The following PPP6C variants were observed in gnomAD, a reference collection of about 807,000 sequenced individuals.
PPP6C encodes protein phosphatase 6 catalytic subunit.
PPP6C carries 11 observed loss-of-function variants against 39.8 expected under a neutral mutation model. That is an observed-to-expected ratio of 0.28 (90% confidence interval 0.17 to 0.46). The LOEUF is 0.46. PPP6C is among the 20% of genes least tolerant of loss of function. The pLI, the probability that PPP6C is intolerant of heterozygous loss-of-function variation, is 1.00. For synonymous variants in PPP6C, 129 were observed against 130.3 expected (o/e 0.99, Z 0.07); for missense variants, 211 against 373.9 (o/e 0.56, Z 3.59).
Position 125,189,669 on chromosome 9 carries a change from T to C in PPP6C, c.50A>G (p.Lys17Arg). Reference protein sequence around the residue: ...DKYVEIARLCKYLPENDLKRL... With the variant: ...DKYVEIARLCRYLPENDLKRL... ...CTTCAGGTCGTTCTCTGGCAGGTAC[T>C]TGCACAGCCGCGCTATTTCCACATA... is the stretch of plus-strand genomic sequence containing the variant. Residue 17 changes from lysine (K) to arginine (R), a missense_variant, in exon 1 of 7, where the codon AAG becomes AGG. By Grantham distance (26) the Lys-to-Arg change is conservative. Transcript: ENST00000373547. 1.9e-6 allele frequency: 3 copies of C among 1,612,714 alleles called. No homozygotes were observed. Among genetic ancestry groups the C allele is most frequent in the Non-Finnish European group, 1.7e-6 (2 of 1,179,500 alleles).
rs1166282349 is a variant in PPP6C, at chr9:125,171,118, T to C, written c.138A>G (p.Thr46=). The C allele has an allele frequency of 1.2e-6, 2 of 1,602,994 alleles. No individual in the cohort carries two copies. The highest frequency in any genetic ancestry group is 2.7e-5 in the African/African-American group (2 of 74,520). The change falls in exon 2 of 7, where the codon ACA becomes ACG. Residue 46 remains threonine, a synonymous_variant. Coordinates refer to ENST00000373547, the MANE Select transcript of PPP6C (RefSeq NM_002721.5). ...GGATATCTCCACACACTGTTACTGG[T>C]GTTGATACTGGCTGAACATTTGACT... is the stretch of plus-strand genomic sequence containing the variant. ...LEESNVQPVS[T]PVTVCGDIHG...
chr9:125,171,001 G>A, intron 2 of PPP6C, 84 bp downstream of exon 2: 3 of 856,502 alleles, frequency 3.5e-6, no homozygotes, highest in Non-Finnish European at 5.1e-6. Context: ...TGATGTTGTT[G>A]TTGTTTTAAT....
intron 1 of PPP6C, among the ~76,000 whole-genome samples, chr9:125,182,840 G>A (rs1829446829): frequency 6.6e-6 from 1 of 150,974 alleles, no homozygotes; most frequent in African/African-American, 2.4e-5. Context: ...ATTCTTTGGG[G>A]GGCAAAATTG....
intron 1 of PPP6C, among the ~76,000 whole-genome samples, chr9:125,176,472 A>G (rs1829299997): frequency 6.6e-6 from 1 of 152,110 alleles, no homozygotes; most frequent in Non-Finnish European, 1.5e-5. Flanking sequence ...CCTGGGCAAC[A>G]ATGGCAAAAC....
chr9:125,159,722 T>C (rs1264883225), intron 3 of PPP6C, among the ~76,000 whole-genome samples: 10 of 152,070 alleles, frequency 6.6e-5, no homozygotes, highest in South Asian at 2.1e-4. Flanking sequence ...GCTGAAAGAA[T>C]AGGAAAGTGG....
Position 125,151,954 on chromosome 9 carries a change from G to C in PPP6C, c.669+1579C>G, listed in dbSNP as rs184413639. The stretch of plus-strand genomic sequence containing the variant: ...AATGCTTCAGGGTTTTCTTTGTTGA[G>C]AACAACCAGCAGCAAAGCCAACCCA... On this transcript the variant is annotated intron_variant, in intron 6 of 6. Transcript: ENST00000373547. Among the ~76,000 whole-genome samples the C allele has an allele frequency of 3.8e-4, 58 of 152,278 alleles. No individual in the cohort carries two copies. The East Asian group carries it at 0.011, about 29-fold the overall frequency.
At chr9:125,163,087 A>T (rs951744679) in intron 2 of PPP6C, among the ~76,000 whole-genome samples, 7 of 152,204 alleles carry the variant, frequency 4.6e-5, no homozygotes, top group African/African-American at 1.7e-4. Flanking sequence ...TCAAAAAAAA[A>T]AAAGTGTTAT....
At chr9:125,154,016 T>A (rs371195577) in intron 4 of PPP6C, 31 bp from the exon 5 acceptor site, 32 of 1,459,738 alleles carry the variant, frequency 2.2e-5, no homozygotes, top group Non-Finnish European at 3.1e-5. Flanking sequence ...TTTTAATTAA[T>A]GAATCTGCTA....
chr9:125,177,318 G>T (rs773096366), intron 1 of PPP6C, among the ~76,000 whole-genome samples: 2 of 152,098 alleles, frequency 1.3e-5, no homozygotes, highest in Non-Finnish European at 2.9e-5. Context: ...AACTTGCAGT[G>T]AGCAGAGATG....
chr9:125,161,353 T>A (rs1828872637), intron 2 of PPP6C, among the ~76,000 whole-genome samples: 1 of 152,172 alleles, frequency 6.6e-6, no homozygotes, highest in Non-Finnish European at 1.5e-5. Flanking sequence ...TCTTCCCACA[T>A]TCTACAGTTA....
At chr9:125,172,748 C>CAA (rs1200240155) in intron 1 of PPP6C, among the ~76,000 whole-genome samples, 12 of 141,090 alleles carry the variant, frequency 8.5e-5, no homozygotes, top group Non-Finnish European at 1.3e-4. Flanking sequence ...CACACACACA[C>CAA]ACAAACACAC....
At chr9:125,166,698 A>AT (rs1189431550) in intron 2 of PPP6C, among the ~76,000 whole-genome samples, 1 of 151,598 alleles carries the variant, frequency 6.6e-6, no homozygotes, top group Non-Finnish European at 1.5e-5. Context: ...ACACCTGGCA[A>AT]TTTTTTATAT....
chr9:125,169,751 T>A (rs1215156778), intron 2 of PPP6C, among the ~76,000 whole-genome samples: 1 of 152,146 alleles, frequency 6.6e-6, no homozygotes, highest in African/African-American at 2.4e-5. Context: ...TTTTAGGAAA[T>A]CAATTCCTAA....
At chr9:125,173,601 AC>A (rs201933868) in intron 1 of PPP6C, among the ~76,000 whole-genome samples, 2,287 of 151,382 alleles carry the variant, frequency 0.015, 107 homozygotes, top group Admixed American at 0.083. Flanking sequence ...AACAACAACA[AC>A]AAAAAAGATG....
At chr9:125,154,716 G>A (rs1429132998) in intron 4 of PPP6C, among the ~76,000 whole-genome samples, 2 of 152,184 alleles carry the variant, frequency 1.3e-5, no homozygotes, top group Non-Finnish European at 2.9e-5. Flanking sequence ...ACAAATTAGA[G>A]GATCCTTAGT....
chr9:125,164,715 A>G (rs191598105), intron 2 of PPP6C, among the ~76,000 whole-genome samples: 11 of 151,846 alleles, frequency 7.2e-5, no homozygotes, highest in Non-Finnish European at 1.5e-4. Flanking sequence ...GGAACTACAT[A>G]TATGTACCAC....
In PPP6C at chr9:125,189,751, G is replaced by T; in HGVS notation, c.-33C>A. The T allele has an allele frequency of 6.4e-7, 1 of 1,560,704 alleles. No homozygotes were observed. The highest frequency in any genetic ancestry group is 2.0e-5 in the Admixed American group (1 of 50,090). ...ATAACAAGCCGCGGCAACAGCGGCG[G>T]CGGCGGCTGTAGCAGCGGCGGCGGC... On this transcript the variant is annotated 5_prime_UTR_variant, in exon 1 of 7. Transcript: ENST00000373547.
intron 4 of PPP6C, among the ~76,000 whole-genome samples, chr9:125,157,864 T>C (rs113816403): frequency 2.0e-5 from 3 of 152,016 alleles, no homozygotes; most frequent in Non-Finnish European, 2.9e-5. Flanking sequence ...CTCATTTTTG[T>C]ATTTTTAGAA....
chr9:125,151,025 A>C, intron 6 of PPP6C: 1 of 1,372,370 alleles, frequency 7.3e-7, no homozygotes, highest in Non-Finnish European at 1.0e-6. Flanking sequence ...ATCACCATGG[A>C]CCTACATGCT....
Sources: gnomAD v4.1 joint callset for allele counts (sites outside exome capture counted in the v4.1 genomes callset) on GRCh38, gnomAD v4.1.1 for gene constraint, MANE v1.5 for transcripts, NCBI Gene and HGNC (gene_info 2026-07-23, HGNC 2026-07-21) for gene names.